The following VWA8 variants were observed in gnomAD, a reference collection of about 807,000 sequenced individuals.
VWA8 encodes the protein von Willebrand factor A domain-containing protein 8.
A neutral mutation model predicts 241.5 loss-of-function variants in VWA8; 221 were observed. The observed-to-expected ratio is 0.91, with a 90% CI of 0.82 to 1.02. VWA8 has a LOEUF of 1.02. VWA8 is among the 50% of genes least tolerant of loss of function. The pLI is 0.00. For synonymous variants in VWA8, 852 were observed against 827.1 expected (o/e 1.03, Z -0.52); for missense variants, 2,322 against 2,328.7 (o/e 1.00, Z 0.06).
intron 21 of VWA8, among the ~76,000 whole-genome samples, chr13:41,737,207 C>T (rs2045532402): frequency 6.6e-6 from 1 of 152,188 alleles, no homozygotes; most frequent in African/African-American, 2.4e-5. Flanking sequence ...ATAAGCCTAA[C>T]ATCATTGACT....
At chr13:41,861,363 A>T (rs1273666097) in intron 12 of VWA8, among the ~76,000 whole-genome samples, 1 of 152,222 alleles carries the variant, frequency 6.6e-6, no homozygotes, top group Non-Finnish European at 1.5e-5. Flanking sequence ...TGAACAGGAA[A>T]ATGCTAGAAG....
At chr13:41,574,350 G>A in intron 43 of VWA8, among the ~76,000 whole-genome samples, 1 of 152,052 alleles carries the variant, frequency 6.6e-6, no homozygotes, top group East Asian at 1.9e-4. Flanking sequence ...AAAACCCTAG[G>A]AATATACTTA....
intron 12 of VWA8, among the ~76,000 whole-genome samples, chr13:41,848,226 T>C (rs576650183): frequency 6.6e-6 from 1 of 152,260 alleles, no homozygotes; most frequent in Admixed American, 6.5e-5. Context: ...TGGAAGACAC[T>C]GTGCAGCAGG....
chr13:41,630,206 G>A (rs1317078920), intron 37 of VWA8, among the ~76,000 whole-genome samples: 1 of 152,202 alleles, frequency 6.6e-6, no homozygotes, highest in South Asian at 2.1e-4. Flanking sequence ...GAGAATGAAT[G>A]GTCCATGGTT....
At position 41,811,304 on chromosome 13, in the gene VWA8, G is replaced by C; in HGVS notation, c.1984C>G (p.Leu662Val). ...GACAGCCGACGAGAAATTCGCAACA[G>C]TTGTCTGGTAGAAAGTGATGCCGCT... ...SLAASLSTRQ[L>V]LRISRRLSQY... The change falls in exon 17 of 45, where the codon CTG becomes GTG. Residue 662 changes from leucine to valine, a missense_variant. By Grantham distance (32) the Leu-to-Val change is conservative (BLOSUM62 1). Coordinates refer to ENST00000379310, the MANE Select transcript of VWA8 (RefSeq NM_015058.2). 6.2e-7 allele frequency: 1 copy of C among 1,611,330 alleles called. No individual in the cohort carries two copies. The highest frequency in any genetic ancestry group is 8.5e-7 in the Non-Finnish European group (1 of 1,177,900).
At chr13:41,767,625 C>T (rs918657097) in intron 20 of VWA8, among the ~76,000 whole-genome samples, 3 of 152,102 alleles carry the variant, frequency 2.0e-5, no homozygotes, top group African/African-American at 4.8e-5. Flanking sequence ...TTCGTTGTAA[C>T]GGTCAACAAA....
intron 42 of VWA8, among the ~76,000 whole-genome samples, chr13:41,579,494 CT>C (rs2044369575): frequency 6.6e-6 from 1 of 152,212 alleles, no homozygotes; most frequent in South Asian, 2.1e-4. Context: ...AGAAAAATCA[CT>C]TAACCTCTCT....
chr13:41,837,217 T>G (rs1871781555), intron 12 of VWA8, among the ~76,000 whole-genome samples: 1 of 152,068 alleles, frequency 6.6e-6, no homozygotes, highest in African/African-American at 2.4e-5. Context: ...ACTGCCAATT[T>G]CTAATAAACC....
chr13:41,592,182 T>C (rs1465881519), intron 40 of VWA8, among the ~76,000 whole-genome samples: 2 of 144,960 alleles, frequency 1.4e-5, no homozygotes, highest in Admixed American at 6.9e-5. Context: ...TGGATGAAAT[T>C]GGAAATCATC....
chr13:41,640,301 C>T (rs925587355), intron 37 of VWA8, among the ~76,000 whole-genome samples: 5 of 152,100 alleles, frequency 3.3e-5, no homozygotes, highest in African/African-American at 1.2e-4. Flanking sequence ...TTACATAGAC[C>T]ATAAATAAAA....
At chr13:41,823,278 T>C (rs774269617) in intron 14 of VWA8, among the ~76,000 whole-genome samples, 2 of 152,164 alleles carry the variant, frequency 1.3e-5, no homozygotes, top group African/African-American at 2.4e-5. Context: ...TGTCCAGTTA[T>C]GTTCACCGCT....
rs1159953549 is a variant in VWA8 at position 41,868,447 on chromosome 13, G to C, written c.1111C>G (p.Leu371Val). ...ACTTTTACAATCTCTTTAGGAAGTA[G>C]AGAGCTTCCTGAATCTTGAAGTTCA... Reference protein sequence around the residue: ...RFELQDSGSSLLPKEIVKVEK... With the variant: ...RFELQDSGSSVLPKEIVKVEK... Residue 371 changes from leucine (L) to valine (V), a missense_variant, in exon 10 of 45, where the codon CTA (leucine) becomes GTA (valine). By Grantham distance (32) the Leu-to-Val change is conservative. Coordinates refer to ENST00000379310, the MANE Select transcript of VWA8 (RefSeq NM_015058.2). 2 of 1,613,686 alleles carry C rather than the reference G, an allele frequency of 1.2e-6. No homozygotes were observed. Among genetic ancestry groups the C allele is most frequent in the Non-Finnish European group, 1.7e-6 (2 of 1,179,916 alleles).
At chr13:41,909,451 T>C (rs1456284127) in intron 3 of VWA8, among the ~76,000 whole-genome samples, 1 of 152,192 alleles carries the variant, frequency 6.6e-6, no homozygotes, top group South Asian at 2.1e-4. Context: ...AACAAATGAA[T>C]TGGCTGAGAG....
chr13:41,913,421 G>C (rs138207902), intron 2 of VWA8, among the ~76,000 whole-genome samples: 1 of 152,272 alleles, frequency 6.6e-6, no homozygotes, highest in Admixed American at 6.5e-5. Context: ...ACAGACATCT[G>C]TATTACATAA....
chr13:41,837,072 GA>G (rs1320420393), intron 12 of VWA8, among the ~76,000 whole-genome samples: 1 of 147,324 alleles, frequency 6.8e-6, no homozygotes, highest in East Asian at 2.0e-4. Flanking sequence ...TAGATAGATA[GA>G]TAGATAGAGA....
At chr13:41,932,636 A>G (rs979942989) in intron 2 of VWA8, among the ~76,000 whole-genome samples, 1 of 151,962 alleles carries the variant, frequency 6.6e-6, no homozygotes, top group African/African-American at 2.4e-5. Context: ...AGGAATGAGA[A>G]GTTGAAAAGT....
intron 34 of VWA8, among the ~76,000 whole-genome samples, chr13:41,688,956 C>T (rs899746017): frequency 1.3e-5 from 2 of 151,892 alleles, no homozygotes; most frequent in Non-Finnish European, 2.9e-5. Flanking sequence ...AACCTGCACA[C>T]GTACACTTGA....
chr13:41,575,957 A>C, intron 42 of VWA8, 119 bp from the exon 43 acceptor site: 1 of 647,760 alleles, frequency 1.5e-6, no homozygotes, highest in East Asian at 2.7e-5. Context: ...TATGGCCATA[A>C]AGAAATGCAG....
chr13:41,690,221 G>A lies in VWA8; in HGVS notation c.3921C>T (p.Cys1307=). The change falls in exon 33 of 45, where the codon TGC becomes TGT. Residue 1307 remains cysteine (C), a synonymous_variant. Coordinates refer to ENST00000379310, the MANE Select transcript of VWA8 (RefSeq NM_015058.2). Reference sequence around the variant, plus strand: ...GCTCCTCTTTCAGCACATACAACTGGCAAACCCCACTACCCTCAGATTCGA... The same window carrying A: ...GCTCCTCTTTCAGCACATACAACTGACAAACCCCACTACCCTCAGATTCGA... The part of the protein sequence containing the change: ...AHIESEGSGV[C]QLYVLKEEPP... 1 of 1,612,566 alleles carries A rather than the reference G, an allele frequency of 6.2e-7. No homozygotes were observed.
Sources: allele counts gnomAD v4.1 joint callset (sites outside exome capture counted in the v4.1 genomes callset), GRCh38; gene constraint gnomAD v4.1.1; transcripts MANE v1.5; gene names NCBI Gene and HGNC (gene_info 2026-07-23, HGNC 2026-07-21).